Variants in REXO5 observed in about 807,000 individuals in gnomAD.
REXO5 encodes the protein RNA exonuclease 5.
In REXO5, 48 loss-of-function variants were observed where a neutral mutation model predicts 88.5. That is an observed-to-expected ratio of 0.54 (90% confidence interval 0.43 to 0.69). REXO5 has a LOEUF of 0.69. REXO5 is among the 30% of genes least tolerant of loss of function. The pLI, the probability that REXO5 is intolerant of heterozygous loss-of-function variation, is 0.00. For missense variants in REXO5, 749 were observed against 912.2 expected, an observed-to-expected ratio of 0.82 and a Z score of 2.30; for synonymous variants, 311 against 336.5, an observed-to-expected ratio of 0.92 and a Z score of 0.83.
At position 20,849,532 on chromosome 16, in the gene REXO5, C is replaced by T. The variant is rs1367045037; in HGVS notation, c.*52C>T. ...ATTTCTTACCCCTTGTAGGCAATGGCAAAGAATGTGGTCAGGCTGTAGCCT... is the reference window on the plus strand; with the variant it reads ...ATTTCTTACCCCTTGTAGGCAATGGTAAAGAATGTGGTCAGGCTGTAGCCT... On this transcript the variant is annotated 3_prime_UTR_variant, in exon 20 of 20. Transcript: ENST00000261377. 7 of 1,531,780 alleles carry T rather than the reference C, an allele frequency of 4.6e-6. No homozygotes were observed. The highest frequency in any genetic ancestry group is 6.3e-6 in the Non-Finnish European group (7 of 1,105,408). 94.9% of individuals were successfully genotyped at this position (1,531,780 alleles called of 1,614,324 possible).
Position 20,844,977 on chromosome 16 carries a change from G to C in REXO5, c.1937-77G>C, listed in dbSNP as rs2081584830. ...GTTCCTGATTCTGTCCTTCTCCTTT[G>C]ACCCTGGCCAGGCAGCTTGGATGGT... On this transcript the variant is annotated intron_variant, in intron 17 of 19. Coordinates refer to ENST00000261377, the MANE Select transcript of REXO5 (RefSeq NM_030941.3). 5.1e-6 allele frequency: 8 copies of C among 1,568,192 alleles called. No individual in the cohort carries two copies. The Admixed American group carries it at 8.7e-5, about 17-fold the overall frequency.
rs2081496808 is a variant in REXO5 at position 20,839,758 on chromosome 16, C to T, written c.1387C>T (p.Leu463Phe). ...CAGGCTGTGCTGTTCTCTACAGGTT[C>T]TTGAGCAGGCCAGAGTGGAAATCCC... ...TIKCLSNKEV[L>F]EQARVEIPLF... The change falls in exon 14 of 20, where the codon CTT becomes TTT. Residue 463 changes from leucine to phenylalanine, a missense_variant. By Grantham distance (22) the Leu-to-Phe change is conservative. Coordinates refer to ENST00000261377, the MANE Select transcript of REXO5 (RefSeq NM_030941.3). 1.9e-6 allele frequency: 3 copies of T among 1,612,674 alleles called. No homozygotes were observed. The highest frequency in any genetic ancestry group is 2.5e-6 in the Non-Finnish European group (3 of 1,179,018).
In REXO5 at chr16:20,828,439, G is replaced by T. The variant is rs750265630; in HGVS notation, c.1060G>T (p.Asp354Tyr). 6.2e-7 allele frequency: 1 copy of T among 1,607,714 alleles called. No homozygotes were observed. Among genetic ancestry groups the T allele is most frequent in the Non-Finnish European group, 8.5e-7 (1 of 1,174,302 alleles). The change falls in exon 11 of 20, where the codon GAT becomes TAT. Residue 354 changes from aspartate (D) to tyrosine (Y), a missense_variant. Physicochemically the swap from Asp to Tyr is radical, Grantham distance 160. Coordinates refer to ENST00000261377, the MANE Select transcript of REXO5 (RefSeq NM_030941.3). Reference sequence around the variant, plus strand: ...AATTTTATATTGACTTTCCAGGAAGGATATACAGTGTCCAGACAGACTTGG... The same window carrying T: ...AATTTTATATTGACTTTCCAGGAAGTATATACAGTGTCCAGACAGACTTGG... ...KFLAKVILGKDIQCPDRLGHD... is the reference protein window; with the variant it reads ...KFLAKVILGKYIQCPDRLGHD...
At chr16:20,833,245 G>A in intron 13 of REXO5, 122 bp downstream of exon 13, 1 of 1,052,854 alleles carries the variant, frequency 9.5e-7, no homozygotes, top group Non-Finnish European at 1.3e-6. Context: ...AGCAAGCCTG[G>A]CTTGTGTCTC....
chr16:20,806,625 G>A lies in REXO5; in HGVS notation c.-83G>A. On this transcript the variant is annotated 5_prime_UTR_variant, in exon 1 of 20. Coordinates refer to ENST00000261377, the MANE Select transcript of REXO5 (RefSeq NM_030941.3). ...TAGGGGGCGTGGGGAGTGGTTTTAG[G>A]CGGCGAAGCCGCTCGGCAGCACCTT... The A allele has an allele frequency of 1.5e-6, 2 of 1,334,950 alleles. No individual in the cohort carries two copies. Among genetic ancestry groups the A allele is most frequent in the Non-Finnish European group, 2.0e-6 (2 of 1,009,556 alleles). The allele number at this position is 1,334,950 out of a possible 1,614,324, so 82.7% of individuals were successfully genotyped here. A position where few individuals can be genotyped will look rare whatever the true frequency, so the allele number is the denominator to read the frequency against.
intron 3 of REXO5, 44 bp downstream of exon 3, chr16:20,813,346 T>TTTTTTC: frequency 4.4e-6 from 1 of 229,470 alleles, no homozygotes; most frequent in African/African-American, 3.0e-5. Flanking sequence ...AGCGGTTTCT[T>TTTTTTC]TTTTTTTTTT....
intron 16 of REXO5, 142 bp downstream of exon 16, chr16:20,844,168 C>T (rs1481225030): frequency 3.3e-6 from 2 of 604,102 alleles, no homozygotes; most frequent in African/African-American, 3.7e-5. Context: ...CCAAGTCTAA[C>T]ATTCTCCTAC....
chr16:20,846,408 C>A, intron 19 of REXO5, 69 bp downstream of exon 19: 2 of 1,191,586 alleles, frequency 1.7e-6, no homozygotes, highest in Non-Finnish European at 2.5e-6. Flanking sequence ...AGAGAAAAAG[C>A]CTTTTGCTGA....
At chr16:20,843,091 G>A (rs2081555315) in intron 15 of REXO5, among the ~76,000 whole-genome samples, 1 of 152,180 alleles carries the variant, frequency 6.6e-6, no homozygotes, top group African/African-American at 2.4e-5. Flanking sequence ...CTAATGATTA[G>A]TGATGTTGAG....
In REXO5 at chr16:20,825,825, T is replaced by C. The variant is rs1175638926; in HGVS notation, c.706-8T>C. 2 of 1,602,524 alleles carry C rather than the reference T, an allele frequency of 1.2e-6. No homozygotes were observed. Among genetic ancestry groups the C allele is most frequent in the Non-Finnish European group, 8.5e-7 (1 of 1,169,922 alleles). ...GTTCAGCAGCCTGACTACATGTTGGTCTTTCAGTGCCTCACATCCAAGGGG... is the reference window on the plus strand; with the variant it reads ...GTTCAGCAGCCTGACTACATGTTGGCCTTTCAGTGCCTCACATCCAAGGGG... On this transcript the variant is annotated splice_region_variant and splice_polypyrimidine_tract_variant and intron_variant, in intron 7 of 19. Transcript: ENST00000261377.
chr16:20,806,717 G>A lies in REXO5; in HGVS notation c.-3+12G>A, dbSNP rs2080883590. On this transcript the variant is annotated intron_variant, in intron 1 of 19. Coordinates refer to ENST00000261377, the MANE Select transcript of REXO5 (RefSeq NM_030941.3). ...CCGTTGAGAATCCGGTAACCGATGC[G>A]GACGGTAAAGCCGTTTGGGTTAGAG... The A allele has an allele frequency of 1.0e-6, 1 of 979,910 alleles. No homozygotes were observed. The highest frequency in any genetic ancestry group is 1.5e-6 in the Non-Finnish European group (1 of 684,976). The allele number at this position is 979,910 out of a possible 1,614,324, so 60.7% of individuals were successfully genotyped here. A position where few individuals can be genotyped will look rare whatever the true frequency, so the allele number is the denominator to read the frequency against.
intron 4 of REXO5, among the ~76,000 whole-genome samples, chr16:20,815,892 A>G (rs1039723077): frequency 1.3e-5 from 2 of 152,222 alleles, no homozygotes; most frequent in Non-Finnish European, 2.9e-5. Flanking sequence ...TATTTCTGTA[A>G]AGTTTGTCTA....
chr16:20,849,425 G>A lies in REXO5; in HGVS notation c.2270G>A (p.Gly757Glu). The A allele has an allele frequency of 6.2e-7, 1 of 1,614,002 alleles. No individual in the cohort carries two copies. The highest frequency in any genetic ancestry group is 8.5e-7 in the Non-Finnish European group (1 of 1,179,888). The change falls in exon 20 of 20, where the codon GGA (glycine) becomes GAA (glutamate). Residue 757 changes from glycine (G) to glutamate (E), a missense_variant. Gly to Glu is a moderately conservative substitution (Grantham distance 98). Transcript: ENST00000261377. ...KSTHGSLSGL[G>E]LMGIKEEEES... is the part of the protein sequence containing the mutation. ...ACTCATGGTTCACTCTCTGGTCTAG[G>A]ACTGATGGGAATAAAAGAGGAAGAA... is the stretch of plus-strand genomic sequence containing the variant.
At chr16:20,837,483 A>G (rs549128677) in intron 13 of REXO5, among the ~76,000 whole-genome samples, 2 of 152,258 alleles carry the variant, frequency 1.3e-5, no homozygotes, top group African/African-American at 2.4e-5. Flanking sequence ...CCGCTGGCCT[A>G]TCTTTCATTC....
intron 19 of REXO5, 58 bp downstream of exon 19, chr16:20,846,397 T>G: frequency 7.6e-7 from 1 of 1,322,560 alleles, no homozygotes; most frequent in Non-Finnish European, 1.1e-6. Flanking sequence ...CAGCTGTTCT[T>G]AGAGAAAAAG....
Position 20,839,776 on chromosome 16 carries a change from G to C in REXO5, c.1405G>C (p.Glu469Gln). The change falls in exon 14 of 20, where the codon GAA (glutamate) becomes CAA (glutamine). Residue 469 changes from glutamate to glutamine, a missense_variant. Physicochemically the swap from Glu to Gln is conservative, Grantham distance 29. Coordinates refer to ENST00000261377, the MANE Select transcript of REXO5 (RefSeq NM_030941.3). ...NKEVLEQARV[E>Q]IPLFPFSIVQ... The stretch of plus-strand genomic sequence containing the variant: ...ACAGGTTCTTGAGCAGGCCAGAGTG[G>C]AAATCCCCCTGTTTCCCTTCAGCAT... The C allele has an allele frequency of 4.3e-6, 7 of 1,613,884 alleles. No homozygotes were observed. The highest frequency in any genetic ancestry group is 5.9e-6 in the Non-Finnish European group (7 of 1,179,828).
Position 20,806,545 on chromosome 16 carries a change from T to G in REXO5, c.-163T>G. On this transcript the variant is annotated 5_prime_UTR_variant, in exon 1 of 20. Transcript: ENST00000261377. Reference sequence around the variant, plus strand: ...GGCGGTTGTTGTTGGCAGCTGTGGCTAAGGAGGGGAGAACCTCTGCTCCCC... The same window carrying G: ...GGCGGTTGTTGTTGGCAGCTGTGGCGAAGGAGGGGAGAACCTCTGCTCCCC... The G allele has an allele frequency of 2.6e-6, 4 of 1,519,644 alleles. No homozygotes were observed. In the South Asian group the frequency reaches 3.7e-5, roughly 14 times the overall value. 94.1% of individuals were successfully genotyped at this position (1,519,644 alleles called of 1,614,324 possible).
At position 20,844,815 on chromosome 16, in the gene REXO5, A is replaced by G. The variant is rs1266933118; in HGVS notation, c.1906A>G (p.Ser636Gly). 2.5e-6 allele frequency: 4 copies of G among 1,614,150 alleles called. 1 individual carries two copies. In the South Asian group the frequency reaches 4.4e-5, roughly 18 times the overall value. The change falls in exon 17 of 20, where the codon AGT becomes GGT. Residue 636 changes from serine to glycine, a missense_variant. By Grantham distance (56) the Ser-to-Gly change is moderately conservative. Coordinates refer to ENST00000261377, the MANE Select transcript of REXO5 (RefSeq NM_030941.3). ...TGTGATCTTGCCTAAAGATCTTAAA[A>G]GTGGAAAGCAGAAAAAATACTGTTT... Reference protein sequence around the residue: ...EAVILPKDLKSGKQKKYCFLK... With the variant: ...EAVILPKDLKGGKQKKYCFLK...
chr16:20,815,126 C>T lies in REXO5; in HGVS notation c.378+73C>T. 5 of 1,482,712 alleles carry T rather than the reference C, an allele frequency of 3.4e-6. No homozygotes were observed. In the South Asian group the frequency reaches 5.4e-5, roughly 16 times the overall value. The allele number at this position is 1,482,712 out of a possible 1,614,324, so 91.8% of individuals were successfully genotyped here. The stretch of plus-strand genomic sequence containing the variant: ...CTGAGACTAATACATGTGTCAGGGA[C>T]CATGCTCCTTGGCAACCTAACTGAA... On this transcript the variant is annotated intron_variant, in intron 4 of 19. Coordinates refer to ENST00000261377, the MANE Select transcript of REXO5 (RefSeq NM_030941.3).
Sources: allele counts gnomAD v4.1 joint callset (sites outside exome capture counted in the v4.1 genomes callset), GRCh38; gene constraint gnomAD v4.1.1; transcripts MANE v1.5; gene names NCBI Gene and HGNC (gene_info 2026-07-23, HGNC 2026-07-21).